DCLK3: variants seen among roughly 807,000 people sequenced by gnomAD.
DCLK3 encodes the protein serine/threonine-protein kinase DCLK3.
Under a neutral mutation model 46.4 loss-of-function variants are expected in DCLK3, and 30 were observed. That is an observed-to-expected ratio of 0.65 (90% confidence interval 0.48 to 0.88). The LOEUF is 0.88. Among genes scored for constraint, DCLK3 ranks in the 40% least tolerant of loss-of-function variants. The pLI is 0.00. For missense variants in DCLK3, 846 were observed against 907.1 expected (o/e 0.93, Z 0.87); for synonymous variants, 401 against 339.2 (o/e 1.18, Z -2.00).
At chr3:36,755,487 T>A (rs1029126244) in intron 1 of DCLK3, among the ~76,000 whole-genome samples, 1 of 152,172 alleles carries the variant, frequency 6.6e-6, no homozygotes, top group Non-Finnish European at 1.5e-5. Context: ...AACAACTGGT[T>A]AATAATTTGG....
At chr3:36,754,928 C>CA (rs138259500) in intron 1 of DCLK3, among the ~76,000 whole-genome samples, 43,546 of 151,254 alleles carry the variant, frequency 0.29, 6,336 homozygotes, top group Non-Finnish European at 0.33. Context: ...AGCTATAAGG[C>CA]AAAAAAAATC....
chr3:36,718,290 C>A, intron 3 of DCLK3, 113 bp from the exon 4 acceptor site: 1 of 1,471,128 alleles, frequency 6.8e-7, no homozygotes, highest in Non-Finnish European at 9.2e-7. Flanking sequence ...ATAGAGGATC[C>A]CAGCTCTCAG....
Position 36,715,624 on chromosome 3 carries a change from G to A in DCLK3, c.2261-103C>T, listed in dbSNP as rs59850186. 2.7e-4 allele frequency: 353 copies of A among 1,316,478 alleles called. 4 individuals carry two copies. In the East Asian group the frequency reaches 6.0e-3, roughly 22 times the overall value. The allele number at this position is 1,316,478 out of a possible 1,614,324, so 81.5% of individuals were successfully genotyped here. ...ACATAAACATTCACGTCAGCACCAC[G>A]GCTGGCTGAAAGCCTCCTTCATATT... On this transcript the variant is annotated intron_variant, in intron 4 of 4. Transcript: ENST00000636136.
chr3:36,737,731 C>T lies in DCLK3; in HGVS notation c.1436G>A (p.Arg479Lys). 1.2e-6 allele frequency: 2 copies of T among 1,614,160 alleles called. No homozygotes were observed. Among genetic ancestry groups the T allele is most frequent in the Non-Finnish European group, 1.7e-6 (2 of 1,180,024 alleles). ...AGGTTGGTCATCTCTGAGAGTCATC[C>T]TTCTGCCTCCAGACATACATGGCTT... is the stretch of plus-strand genomic sequence containing the variant. The part of the protein sequence containing the change: ...EKKPCMSGGR[R>K]MTLRDDQPAK... Residue 479 changes from arginine to lysine, a missense_variant, in exon 2 of 5, where the codon AGG becomes AAG. Arg to Lys is a conservative substitution (Grantham distance 26, BLOSUM62 2). Transcript: ENST00000636136. The surrounding 1 kb of genome is among the most constrained non-coding windows in gnomAD (Gnocchi z 4.4).
Position 36,715,165 on chromosome 3 carries a change from ATTGAC to A in DCLK3, c.*158_*162del. On this transcript the variant is annotated 3_prime_UTR_variant, in exon 5 of 5. Coordinates refer to ENST00000636136, the MANE Select transcript of DCLK3 (RefSeq NM_001394672.2). ...CTAAAAATATGTTGTGACATTTAAC[ATTGAC>A]TTAATTTTTTTAATATGCTTTAAAA... 1.3e-6 allele frequency: 1 copy of A among 772,406 alleles called. No individual in the cohort carries two copies. The highest frequency in any genetic ancestry group is 2.5e-5 in the South Asian group (1 of 39,956). The allele number at this position is 772,406 out of a possible 1,614,324, so 47.8% of individuals were successfully genotyped here.
At chr3:36,755,976 A>G (rs1701481543) in intron 1 of DCLK3, among the ~76,000 whole-genome samples, 1 of 152,296 alleles carries the variant, frequency 6.6e-6, no homozygotes, top group East Asian at 1.9e-4. Context: ...GAAGTGACAC[A>G]TGGCACTTCC....
intron 3 of DCLK3, among the ~76,000 whole-genome samples, chr3:36,718,842 G>A (rs1025981502): frequency 7.3e-5 from 11 of 151,656 alleles, no homozygotes; most frequent in South Asian, 4.2e-4. Flanking sequence ...ACACACACAC[G>A]CGCACACACC....
intron 2 of DCLK3, among the ~76,000 whole-genome samples, chr3:36,723,069 A>G (rs1036159326): frequency 2.0e-5 from 3 of 152,178 alleles, no homozygotes; most frequent in African/African-American, 7.2e-5. Flanking sequence ...AGTGATATGG[A>G]CAATAAAGTC....
At chr3:36,735,163 A>G (rs1701246204) in intron 2 of DCLK3, among the ~76,000 whole-genome samples, 2 of 152,238 alleles carry the variant, frequency 1.3e-5, no homozygotes, top group African/African-American at 2.4e-5. Flanking sequence ...TCCTGCTTAG[A>G]CAATTCGGTG....
At chr3:36,747,437 G>C (rs766408594) in intron 1 of DCLK3, among the ~76,000 whole-genome samples, 30 of 150,524 alleles carry the variant, frequency 2.0e-4, no homozygotes, top group Admixed American at 6.6e-4. Context: ...GGGGAAAAAA[G>C]GTATATATAT....
chr3:36,718,433 T>TTCC (rs1701013923), intron 3 of DCLK3, among the ~76,000 whole-genome samples: 1 of 152,212 alleles, frequency 6.6e-6, no homozygotes, highest in African/African-American at 2.4e-5. Context: ...TGTAATAGAA[T>TTCC]GAGCAGAGAA....
intron 1 of DCLK3, among the ~76,000 whole-genome samples, chr3:36,743,658 C>T (rs1375139133): frequency 1.3e-5 from 2 of 152,202 alleles, no homozygotes; most frequent in Non-Finnish European, 2.9e-5. Flanking sequence ...CACCAAAATA[C>T]AAATGTTTAC....
chr3:36,721,773 G>A, intron 2 of DCLK3, 114 bp from the exon 3 acceptor site: 1 of 1,276,616 alleles, frequency 7.8e-7, no homozygotes. Context: ...ACCTATATGA[G>A]ATTACAGCTT....
intron 1 of DCLK3, among the ~76,000 whole-genome samples, chr3:36,759,004 T>C (rs1445209015): frequency 1.3e-5 from 2 of 152,246 alleles, no homozygotes; most frequent in Admixed American, 6.5e-5. Context: ...ATTTTATTTA[T>C]ATATTTGTTT....
At chr3:36,716,643 T>C (rs573417731) in intron 4 of DCLK3, among the ~76,000 whole-genome samples, 220 of 152,340 alleles carry the variant, frequency 1.4e-3, no homozygotes, top group Non-Finnish European at 1.7e-3. Context: ...TATGGCATAG[T>C]GGGAAGAGGC....
At chr3:36,763,162 G>C (rs12374066) in intron 1 of DCLK3, among the ~76,000 whole-genome samples, 3,295 of 152,310 alleles carry the variant, frequency 0.022, 42 homozygotes, top group Non-Finnish European at 0.033. Flanking sequence ...TTTTATGACA[G>C]CCAATGATGA....
intron 1 of DCLK3, among the ~76,000 whole-genome samples, chr3:36,750,019 G>A (rs1238920816): frequency 6.6e-6 from 1 of 152,076 alleles, no homozygotes; most frequent in Non-Finnish European, 1.5e-5. Context: ...AGTTTCTCAA[G>A]AAGAAATAAA....
At chr3:36,741,178 A>T (rs1277926166) in intron 1 of DCLK3, among the ~76,000 whole-genome samples, 2 of 152,204 alleles carry the variant, frequency 1.3e-5, no homozygotes. Flanking sequence ...GAGCTACAGA[A>T]GGAATACTAG....
intron 1 of DCLK3, among the ~76,000 whole-genome samples, chr3:36,745,624 G>A (rs1701387694): frequency 6.6e-6 from 1 of 152,204 alleles, no homozygotes; most frequent in African/African-American, 2.4e-5. Context: ...GGTTTCAGCA[G>A]ATTAATCACT....
Sources: gnomAD v4.1 joint callset for allele counts (sites outside exome capture counted in the v4.1 genomes callset) on GRCh38, gnomAD v4.1.1 for gene constraint, Gnocchi (gnomAD v3.1) non-coding constraint, MANE v1.5 for transcripts, NCBI Gene and HGNC (gene_info 2026-07-23, HGNC 2026-07-21) for gene names.